CDC42BPB: variants seen among roughly 807,000 people sequenced by gnomAD.
CDC42BPB encodes CDC42 binding protein kinase beta.
In CDC42BPB, 37 loss-of-function variants were observed where a neutral mutation model predicts 214.9. That is an observed-to-expected ratio of 0.17 (90% CI 0.13 to 0.23). The LOEUF is 0.23. Among genes scored for constraint, CDC42BPB ranks in the 10% least tolerant of loss-of-function variants. CDC42BPB has a pLI of 1.00. For missense variants in CDC42BPB, 1,694 were observed against 2,227.0 expected, an observed-to-expected ratio of 0.76 and a Z score of 4.82; for synonymous variants, 931 against 884.0, an observed-to-expected ratio of 1.05 and a Z score of -0.94.
At chr14:103,015,952 G>A (rs981003471) in intron 1 of CDC42BPB, among the ~76,000 whole-genome samples, 4 of 151,702 alleles carry the variant, frequency 2.6e-5, no homozygotes, top group Admixed American at 6.6e-5. Flanking sequence ...TCCTGACCTC[G>A]TGATCCGCCC....
At chr14:102,945,471 C>A (rs1407085517) in intron 29 of CDC42BPB, 191 bp downstream of exon 29, 2 of 589,834 alleles carry the variant, frequency 3.4e-6, no homozygotes, top group Middle Eastern at 4.4e-4. Context: ...TTGAAGAACT[C>A]GATGGATGTG....
chr14:103,030,309 T>TA (rs1262379929), intron 1 of CDC42BPB, among the ~76,000 whole-genome samples: 1 of 152,240 alleles, frequency 6.6e-6, no homozygotes, highest in Non-Finnish European at 1.5e-5. Flanking sequence ...CTGGTTCTTT[T>TA]AAAAAAGAGG....
intron 8 of CDC42BPB, 120 bp downstream of exon 8, chr14:102,980,653 G>A: frequency 1.1e-6 from 1 of 927,032 alleles, no homozygotes; most frequent in South Asian, 1.6e-5. Context: ...AAAGCACACT[G>A]TCTTAAGTGC....
intron 36 of CDC42BPB, among the ~76,000 whole-genome samples, chr14:102,935,963 C>CTA (rs1891631430): frequency 6.6e-6 from 1 of 152,050 alleles, no homozygotes. Context: ...AGACATTTCT[C>CTA]TAAAGAAGGT....
In CDC42BPB at chr14:102,944,659, T is replaced by C; in HGVS notation, c.3812-172A>G. ...AGCCCGTCTCTGCCCACAGAGCCAGTGGCTTGAACGCCCCCCGGAGAAGCT... is the reference window on the plus strand; with the variant it reads ...AGCCCGTCTCTGCCCACAGAGCCAGCGGCTTGAACGCCCCCCGGAGAAGCT... On this transcript the variant is annotated intron_variant, in intron 29 of 36. Transcript: ENST00000361246. The surrounding 1 kb of genome is among the most constrained non-coding windows in gnomAD (Gnocchi z 6.6). The C allele has an allele frequency of 1.0e-6, 1 of 985,240 alleles. No homozygotes were observed. Among genetic ancestry groups the C allele is most frequent in the Non-Finnish European group, 1.2e-6 (1 of 829,860 alleles). 61.0% of individuals were successfully genotyped at this position (985,240 alleles called of 1,614,324 possible).
intron 21 of CDC42BPB, among the ~76,000 whole-genome samples, chr14:102,955,338 G>A (rs1424878717): frequency 6.6e-6 from 1 of 152,156 alleles, no homozygotes; most frequent in Non-Finnish European, 1.5e-5. Context: ...CACGACAATC[G>A]CTTGAACCCA....
chr14:102,977,722 T>C (rs1021926981), intron 9 of CDC42BPB, among the ~76,000 whole-genome samples: 2 of 152,148 alleles, frequency 1.3e-5, no homozygotes, highest in Non-Finnish European at 2.9e-5. Flanking sequence ...TGGCGGCCTA[T>C]TGGTCAGGGG....
In CDC42BPB at chr14:102,986,497, T is replaced by A; in HGVS notation, c.680A>T (p.Asp227Val). Residue 227 changes from aspartate (D) to valine (V), a missense_variant, in exon 6 of 37, where the codon GAT becomes GTT. This residue lies in a region of CDC42BPB where 225 missense variants were observed against 459.3 expected (regional missense o/e 0.49). Coordinates refer to ENST00000361246, the MANE Select transcript of CDC42BPB (RefSeq NM_006035.4). ...AACAAAAATACCTACAGTGCCATCA[T>A]CATTCATCTTCAAACATGATCCAAA... is the stretch of plus-strand genomic sequence containing the variant. ...ADFGSCLKMN[D>V]DGTVQSSVAV... The A allele has an allele frequency of 6.2e-7, 1 of 1,613,042 alleles. No homozygotes were observed. The highest frequency in any genetic ancestry group is 8.5e-7 in the Non-Finnish European group (1 of 1,179,088).
At chr14:102,935,111 G>T (rs1418314801) in intron 36 of CDC42BPB, among the ~76,000 whole-genome samples, 1 of 152,112 alleles carries the variant, frequency 6.6e-6, no homozygotes, top group Non-Finnish European at 1.5e-5. Flanking sequence ...GAGGTTCTAG[G>T]CAGAGCGATC....
At chr14:102,942,195 A>G (rs892802199) in intron 30 of CDC42BPB, among the ~76,000 whole-genome samples, 2 of 151,980 alleles carry the variant, frequency 1.3e-5, no homozygotes, top group Admixed American at 1.3e-4. Context: ...CCCTTCCTGC[A>G]CCTCACCGCA....
At chr14:103,041,995 T>A in intron 1 of CDC42BPB, 1 of 319,038 alleles carries the variant, frequency 3.1e-6, no homozygotes, top group Non-Finnish European at 6.3e-6. Context: ...TTTCAAAGCC[T>A]TCGCTAGTCT....
chr14:103,037,764 C>T (rs1354558051), intron 1 of CDC42BPB, among the ~76,000 whole-genome samples: 1 of 152,176 alleles, frequency 6.6e-6, no homozygotes, highest in East Asian at 1.9e-4. Flanking sequence ...GGCGTGGTGG[C>T]TCACACCTGT....
chr14:103,004,756 C>A lies in CDC42BPB; in HGVS notation c.352-733G>T, dbSNP rs953760594. On this transcript the variant is annotated intron_variant, in intron 3 of 36. Coordinates refer to ENST00000361246, the MANE Select transcript of CDC42BPB (RefSeq NM_006035.4). This position sits in a 1 kb window ranked among gnomAD's most constrained non-coding sequence, Gnocchi z 5.3. ...TGGTGGCAGGTGCCTGTAATCCCAGCTACATGGGAGGCTGAGGGGGGAGAA... is the reference window on the plus strand; with the variant it reads ...TGGTGGCAGGTGCCTGTAATCCCAGATACATGGGAGGCTGAGGGGGGAGAA... Among the ~76,000 whole-genome samples, 1 of 152,018 alleles carries A rather than the reference C, an allele frequency of 6.6e-6. No individual in the cohort carries two copies. Among genetic ancestry groups the A allele is most frequent in the Non-Finnish European group, 1.5e-5 (1 of 67,986 alleles).
At chr14:103,027,122 C>T (rs1228416813) in intron 1 of CDC42BPB, among the ~76,000 whole-genome samples, 1 of 152,140 alleles carries the variant, frequency 6.6e-6, no homozygotes, top group African/African-American at 2.4e-5. Context: ...AAATGCAAAT[C>T]AAAACTGTAA....
Position 102,954,619 on chromosome 14 carries a change from C to G in CDC42BPB, c.2971G>C (p.Ala991Pro). 1.9e-6 allele frequency: 3 copies of G among 1,613,718 alleles called. No homozygotes were observed. The highest frequency in any genetic ancestry group is 2.5e-6 in the Non-Finnish European group (3 of 1,179,728). The change falls in exon 22 of 37, where the codon GCA becomes CCA. Residue 991 changes from alanine to proline, a missense_variant. Physicochemically the swap from Ala to Pro is conservative, Grantham distance 27. Around this residue, in one of 7 missense-constraint regions of CDC42BPB, gnomAD observed 156 missense variants for 154.5 expected, o/e 1.01. Coordinates refer to ENST00000361246, the MANE Select transcript of CDC42BPB (RefSeq NM_006035.4). ...PEASPSMSVA[A>P]SEQQEDMARP... ...TGTCTCACCTCCTGCTGCTCTGATG[C>G]AGCCACAGACATCGACGGGGACGCT...
chr14:102,965,388 TAAAAAAA>T (rs765936398), intron 18 of CDC42BPB, among the ~76,000 whole-genome samples: 3 of 115,278 alleles, frequency 2.6e-5, no homozygotes, highest in African/African-American at 9.4e-5. Flanking sequence ...TACCTGTGAT[TAAAAAAA>T]AAAAAAAAAA....
chr14:102,977,892 T>C (rs1022438805), intron 9 of CDC42BPB, among the ~76,000 whole-genome samples: 1 of 152,190 alleles, frequency 6.6e-6, no homozygotes, highest in African/African-American at 2.4e-5. Flanking sequence ...AAACCTGAAT[T>C]CTTTACGACC....
Position 102,950,456 on chromosome 14 carries a change from A to G in CDC42BPB, c.3309+10T>C. 6.2e-7 allele frequency: 1 copy of G among 1,612,534 alleles called. No individual in the cohort carries two copies. Among genetic ancestry groups the G allele is most frequent in the African/African-American group, 1.3e-5 (1 of 75,050 alleles). ...CACCGAGGGCTGAGGGCGGAGATGA[A>G]GCCGCCTACCTTGACATGGCCTTTG... On this transcript the variant is annotated intron_variant, in intron 25 of 36. Transcript: ENST00000361246.
At chr14:103,019,128 C>T (rs540772788) in intron 1 of CDC42BPB, among the ~76,000 whole-genome samples, 8 of 152,214 alleles carry the variant, frequency 5.3e-5, no homozygotes, top group African/African-American at 1.9e-4. Flanking sequence ...GAGACGGGGT[C>T]TTGCTGTATT....
Sources: gnomAD v4.1 joint callset for allele counts (sites outside exome capture counted in the v4.1 genomes callset) on GRCh38, gnomAD v4.1.1 for gene constraint, gnomAD v4.1.1 regional missense constraint, Gnocchi (gnomAD v3.1) non-coding constraint, MANE v1.5 for transcripts, NCBI Gene and HGNC (gene_info 2026-07-23, HGNC 2026-07-21) for gene names.